The following MTOR variants were observed in gnomAD, a reference collection of about 807,000 sequenced individuals.
The protein encoded by MTOR is serine/threonine-protein kinase mTOR.
MTOR carries 70 observed loss-of-function variants against 319.8 expected under a neutral mutation model. The ratio of observed to expected loss-of-function variants is 0.22; its 90% CI spans 0.18 to 0.27. The LOEUF (loss-of-function observed/expected upper bound fraction) is 0.27, where lower values mean the gene tolerates loss of function less well. MTOR is among the 10% of genes least tolerant of loss of function. The probability of loss-of-function intolerance (pLI) is 1.00; values close to 1 mark genes in which losing one functional copy is unlikely to be tolerated. For missense variants in MTOR, 1,890 were observed against 3,274.4 expected (o/e 0.58, Z 10.32); for synonymous variants, 1,183 against 1,211.4 (o/e 0.98, Z 0.49).
In MTOR at chr1:11,253,453, C is replaced by T. The variant is rs1030342147; in HGVS notation, c.840+386G>A. 7.2e-5 allele frequency among the ~76,000 whole-genome samples: 11 copies of T among 152,308 alleles called. No individual in the cohort carries two copies. The East Asian group carries it at 2.1e-3, about 29-fold the overall frequency. ...ATTAATTTGGCCCCTCCTTCCCTCT[C>T]CCTTGCTCCCGGTACACCAGCCATA... On this transcript the variant is annotated intron_variant, in intron 6 of 57. Coordinates refer to ENST00000361445, the MANE Select transcript of MTOR (RefSeq NM_004958.4).
intron 52 of MTOR, 101 bp downstream of exon 52, chr1:11,114,712 A>T: frequency 8.0e-7 from 1 of 1,256,550 alleles, no homozygotes; most frequent in Non-Finnish European, 1.1e-6. Flanking sequence ...AAAATCACAA[A>T]GGCACTTTGG....
At chr1:11,145,216 T>A (rs1171645363) in intron 32 of MTOR, 171 bp from the exon 33 acceptor site, 8 of 613,620 alleles carry the variant, frequency 1.3e-5, no homozygotes, top group Non-Finnish European at 2.3e-5. Flanking sequence ...TGAGAGGAGG[T>A]ATTATCCAAT....
chr1:11,191,890 G>C (rs192661390), intron 28 of MTOR, among the ~76,000 whole-genome samples: 156 of 152,336 alleles, frequency 1.0e-3, no homozygotes, highest in Non-Finnish European at 1.9e-3. Context: ...ATTTGTTATA[G>C]TGGCGGCTGT....
chr1:11,154,848 TAA>T (rs71568315), intron 30 of MTOR, among the ~76,000 whole-genome samples: 2 of 143,966 alleles, frequency 1.4e-5, no homozygotes, highest in Non-Finnish European at 1.5e-5. Context: ...TCCTGCCTCT[TAA>T]AAAAAAAAAA....
chr1:11,206,501 T>C (rs1237844785), intron 25 of MTOR, among the ~76,000 whole-genome samples: 2 of 152,180 alleles, frequency 1.3e-5, no homozygotes, highest in Non-Finnish European at 2.9e-5. Context: ...ACCTAACTCA[T>C]GGGGTTATCA....
intron 29 of MTOR, among the ~76,000 whole-genome samples, chr1:11,158,241 C>T (rs1644375810): frequency 6.6e-6 from 1 of 152,152 alleles, no homozygotes; most frequent in South Asian, 2.1e-4. Context: ...CAATATGATT[C>T]TGCAGTGAAA....
chr1:11,106,586 A>C lies in MTOR; in HGVS notation c.*899T>G, dbSNP rs1641587729. 3.7e-6 allele frequency: 4 copies of C among 1,073,402 alleles called. No homozygotes were observed. In the South Asian group the frequency reaches 1.8e-4, roughly 47 times the overall value. The allele number at this position is 1,073,402 out of a possible 1,614,324, so 66.5% of individuals were successfully genotyped here. On this transcript the variant is annotated 3_prime_UTR_variant, in exon 58 of 58. Transcript: ENST00000361445. Reference sequence around the variant, plus strand: ...TTGGCACAAAAATTATTCTGATACAACATGGTGTCTAGACATGGCTACACT... The same window carrying C: ...TTGGCACAAAAATTATTCTGATACACCATGGTGTCTAGACATGGCTACACT...
chr1:11,219,884 AT>A (rs916450402), intron 19 of MTOR, among the ~76,000 whole-genome samples: 1 of 151,888 alleles, frequency 6.6e-6, no homozygotes, highest in African/African-American at 2.4e-5. Flanking sequence ...AACAAAAAAA[AT>A]TAGCCAGCAT....
chr1:11,175,238 T>C (rs1644945691), intron 28 of MTOR, among the ~76,000 whole-genome samples: 1 of 152,198 alleles, frequency 6.6e-6, no homozygotes, highest in Admixed American at 6.5e-5. Context: ...GCCCACAAAC[T>C]GAACCTGGCG....
Position 11,133,567 on chromosome 1 carries a change from T to C in MTOR, c.5247-370A>G, listed in dbSNP as rs1280644180. On this transcript the variant is annotated intron_variant, in intron 37 of 57. Transcript: ENST00000361445. The surrounding 1 kb of genome is among the most constrained non-coding windows in gnomAD (Gnocchi z 4.0). Reference sequence around the variant, plus strand: ...TCCCTTACTTTTCCCTTTGCCTCCATTCTTTGTAATGAGATTAGCCCACAT... The same window carrying C: ...TCCCTTACTTTTCCCTTTGCCTCCACTCTTTGTAATGAGATTAGCCCACAT... Among the ~76,000 whole-genome samples the C allele has an allele frequency of 6.6e-6, 1 of 152,226 alleles. No homozygotes were observed. The highest frequency in any genetic ancestry group is 1.9e-4 in the East Asian group (1 of 5,196).
chr1:11,142,295 C>T (rs1350052569), intron 34 of MTOR, among the ~76,000 whole-genome samples: 1 of 151,828 alleles, frequency 6.6e-6, no homozygotes, highest in Non-Finnish European at 1.5e-5. Context: ...AGGCAGAACT[C>T]CTTTTTTTTT....
intron 47 of MTOR, 107 bp downstream of exon 47, chr1:11,124,391 T>A (rs1414527754): frequency 7.0e-7 from 1 of 1,423,446 alleles, no homozygotes; most frequent in Non-Finnish European, 9.5e-7. Context: ...CCTGGCTCCC[T>A]AATTTTATAG....
At chr1:11,172,207 TG>T (rs1644837079) in intron 28 of MTOR, among the ~76,000 whole-genome samples, 1 of 151,944 alleles carries the variant, frequency 6.6e-6, no homozygotes, top group South Asian at 2.1e-4. Flanking sequence ...AACTTGGGGG[TG>T]CACCTTGGGA....
intron 28 of MTOR, among the ~76,000 whole-genome samples, chr1:11,171,724 T>C (rs770078923): frequency 9.9e-5 from 15 of 152,064 alleles, no homozygotes; most frequent in Non-Finnish European, 2.2e-4. Flanking sequence ...TAAAAACATA[T>C]GGCCTTAACT....
intron 19 of MTOR, among the ~76,000 whole-genome samples, chr1:11,224,780 C>A (rs1646777319): frequency 6.6e-6 from 1 of 152,048 alleles, no homozygotes; most frequent in African/African-American, 2.4e-5. Context: ...AAATAAAATA[C>A]CCACTTCTAA....
At chr1:11,145,398 AC>A (rs1643898271) in intron 32 of MTOR, 1 of 255,738 alleles carries the variant, frequency 3.9e-6, no homozygotes, top group Non-Finnish European at 7.6e-6. Flanking sequence ...TTCTTCTGAG[AC>A]ACAGTCTCAC....
chr1:11,247,357 C>A (rs1648985016), intron 8 of MTOR, among the ~76,000 whole-genome samples: 1 of 152,180 alleles, frequency 6.6e-6, no homozygotes, highest in Non-Finnish European at 1.5e-5. Flanking sequence ...TTCCTTTGGT[C>A]TCTTTTAAGT....
intron 28 of MTOR, among the ~76,000 whole-genome samples, chr1:11,170,959 G>C (rs906517724): frequency 1.3e-4 from 20 of 151,896 alleles, no homozygotes; most frequent in African/African-American, 4.8e-4. Flanking sequence ...AAAAAACTGA[G>C]GCCGAGGTGG....
At position 11,164,419 on chromosome 1, in the gene MTOR, A is replaced by G. The variant is rs562829804; in HGVS notation, c.4329+3023T>C. On this transcript the variant is annotated intron_variant, in intron 29 of 57. Transcript: ENST00000361445. ...AAAAAATGATAAAGGGGATATCACC[A>G]CCGATCCCACAGAAATACAAACTAC... Among the ~76,000 whole-genome samples the G allele has an allele frequency of 7.9e-5, 12 of 152,052 alleles. No homozygotes were observed. In the South Asian group the frequency reaches 2.3e-3, roughly 29 times the overall value.
Sources: gnomAD v4.1 joint callset for allele counts (sites outside exome capture counted in the v4.1 genomes callset) on GRCh38, gnomAD v4.1.1 for gene constraint, Gnocchi (gnomAD v3.1) non-coding constraint, MANE v1.5 for transcripts, NCBI Gene and HGNC (gene_info 2026-07-23, HGNC 2026-07-21) for gene names.